KIAA0319: variants seen among roughly 807,000 people sequenced by gnomAD.
The protein encoded by KIAA0319 is KIAA0319, also known as dyslexia-associated protein KIAA0319.
In KIAA0319, 83 loss-of-function variants were observed where a neutral mutation model predicts 108.4. The ratio of observed to expected loss-of-function variants is 0.77; its 90% CI spans 0.64 to 0.92. KIAA0319 has a LOEUF of 0.92. Among genes scored for constraint, KIAA0319 ranks in the 40% least tolerant of loss-of-function variants. KIAA0319 has a pLI of 0.00. For synonymous variants in KIAA0319, 484 were observed against 510.4 expected (o/e 0.95, Z 0.70); for missense variants, 1,195 against 1,322.4 (o/e 0.90, Z 1.49).
chr6:24,601,288 A>C, intron 1 of KIAA0319, 80 bp from the exon 2 acceptor site: 3 of 1,408,708 alleles, frequency 2.1e-6, no homozygotes, highest in Non-Finnish European at 2.8e-6. Context: ...TCTATCATTC[A>C]TTCATGTCAG....
chr6:24,555,098 T>C (rs757662924), intron 18 of KIAA0319, among the ~76,000 whole-genome samples: 8 of 152,218 alleles, frequency 5.3e-5, no homozygotes, highest in Non-Finnish European at 1.0e-4. Context: ...CAGAAACTAC[T>C]TGACCCTCAT....
chr6:24,587,270 C>T (rs1562002644), intron 4 of KIAA0319, among the ~76,000 whole-genome samples: 1 of 148,994 alleles, frequency 6.7e-6, no homozygotes, highest in Non-Finnish European at 1.5e-5. Flanking sequence ...ACACTATTTT[C>T]TTTTTTTTCC....
Position 24,556,700 on chromosome 6 carries a change from G to A in KIAA0319, c.2764C>T (p.His922Tyr). Residue 922 changes from histidine (H) to tyrosine (Y), a missense_variant, in exon 18 of 21, where the codon CAC becomes TAC. Transcript: ENST00000378214. ...GCLLKCSGHG[H>Y]CDPLTKRCIC... ...CAGCGCTTTGTGAGGGGGTCGCAGT[G>A]ACCATGGCCAGAACACTTCAGAAGG... 6.2e-7 allele frequency: 1 copy of A among 1,613,938 alleles called. No individual in the cohort carries two copies. Among genetic ancestry groups the A allele is most frequent in the Non-Finnish European group, 8.5e-7 (1 of 1,179,964 alleles).
intron 17 of KIAA0319, among the ~76,000 whole-genome samples, chr6:24,557,093 T>C (rs2817256): frequency 0.29 from 44,574 of 151,832 alleles, 7,835 homozygotes; most frequent in African/African-American, 0.5. Flanking sequence ...TAGTCCCAGC[T>C]ACTCAGGGGG....
At chr6:24,606,344 C>T (rs1335037392) in intron 1 of KIAA0319, among the ~76,000 whole-genome samples, 1 of 152,184 alleles carries the variant, frequency 6.6e-6, no homozygotes, top group Non-Finnish European at 1.5e-5. Flanking sequence ...TCTGAGAAGC[C>T]TCACCCCAGC....
intron 3 of KIAA0319, among the ~76,000 whole-genome samples, chr6:24,592,016 T>G (rs1306662610): frequency 6.6e-6 from 1 of 152,248 alleles, no homozygotes; most frequent in Admixed American, 6.5e-5. Flanking sequence ...TGTTGTCATC[T>G]GAAATACAAA....
intron 3 of KIAA0319, among the ~76,000 whole-genome samples, chr6:24,591,815 G>A (rs34111714): frequency 0.29 from 44,201 of 151,978 alleles, 8,361 homozygotes; most frequent in Non-Finnish European, 0.41. Context: ...CTTTTCATGT[G>A]CTTCTTGGCT....
intron 2 of KIAA0319, chr6:24,597,864 G>C (rs1769897412): frequency 7.0e-6 from 1 of 142,348 alleles, no homozygotes; most frequent in Admixed American, 8.0e-5. Context: ...GCTGTAGTGA[G>C]CCATGATGGC....
chr6:24,617,389 C>T lies in KIAA0319; in HGVS notation c.-105-16181G>A, dbSNP rs185639999. On this transcript the variant is annotated intron_variant, in intron 1 of 20. Coordinates refer to ENST00000378214, the MANE Select transcript of KIAA0319 (RefSeq NM_014809.4). ...GTGGAAAAAGTCTGGATTTCTGTAT[C>T]TAGTAAAACAGCAATGCGGCAAAAT... Among the ~76,000 whole-genome samples the T allele has an allele frequency of 2.6e-5, 4 of 151,950 alleles. No homozygotes were observed. In the East Asian group the frequency reaches 5.8e-4, roughly 22 times the overall value.
intron 3 of KIAA0319, 68 bp downstream of exon 3, chr6:24,595,805 C>G (rs1769445113): frequency 6.7e-7 from 1 of 1,502,386 alleles, no homozygotes; most frequent in Admixed American, 2.2e-5. Flanking sequence ...GCTCCTGAAA[C>G]TCAGCCCCTC....
chr6:24,621,623 A>G (rs1005620554), intron 1 of KIAA0319, among the ~76,000 whole-genome samples: 1 of 152,160 alleles, frequency 6.6e-6, no homozygotes, highest in South Asian at 2.1e-4. Context: ...TACTGGGGGG[A>G]AAAACTGTGA....
At chr6:24,605,684 G>C (rs1771294172) in intron 1 of KIAA0319, among the ~76,000 whole-genome samples, 1 of 152,052 alleles carries the variant, frequency 6.6e-6, no homozygotes, top group Non-Finnish European at 1.5e-5. Flanking sequence ...TGGATCAATT[G>C]TATACATGTA....
At chr6:24,597,120 A>G (rs915413422) in intron 2 of KIAA0319, among the ~76,000 whole-genome samples, 1 of 152,100 alleles carries the variant, frequency 6.6e-6, no homozygotes, top group Non-Finnish European at 1.5e-5. Context: ...TTATTTTTTC[A>G]TATAGTTTCA....
At chr6:24,590,967 A>G (rs1168992577) in intron 3 of KIAA0319, among the ~76,000 whole-genome samples, 1 of 152,146 alleles carries the variant, frequency 6.6e-6, no homozygotes, top group East Asian at 1.9e-4. Context: ...CTTCAAGTTA[A>G]CCTGGGCCTC....
intron 1 of KIAA0319, among the ~76,000 whole-genome samples, chr6:24,629,160 C>T (rs1037417475): frequency 6.6e-6 from 1 of 152,104 alleles, no homozygotes; most frequent in Non-Finnish European, 1.5e-5. Context: ...AAAATAACAA[C>T]TCGAGCCTTT....
chr6:24,629,458 T>C (rs1427145697), intron 1 of KIAA0319, among the ~76,000 whole-genome samples: 10 of 133,546 alleles, frequency 7.5e-5, no homozygotes, highest in African/African-American at 2.6e-4. Context: ...GAGCTTGCAA[T>C]GAGCCGAGAT....
At chr6:24,595,110 C>T (rs1277057561) in intron 3 of KIAA0319, among the ~76,000 whole-genome samples, 1 of 152,128 alleles carries the variant, frequency 6.6e-6, no homozygotes, top group East Asian at 1.9e-4. Context: ...TCATCCTATC[C>T]AATTGTTCAT....
intron 16 of KIAA0319, among the ~76,000 whole-genome samples, chr6:24,561,096 T>G (rs1207581907): frequency 6.6e-6 from 1 of 152,258 alleles, no homozygotes; most frequent in African/African-American, 2.4e-5. Context: ...TAAATCCCAC[T>G]TGGTTATGGT....
chr6:24,627,516 T>C (rs1254692927), intron 1 of KIAA0319, among the ~76,000 whole-genome samples: 1 of 152,162 alleles, frequency 6.6e-6, no homozygotes, highest in African/African-American at 2.4e-5. Context: ...TCCTTCCTTG[T>C]TTTCTTCTGA....
Sources: gnomAD v4.1 joint callset for allele counts (sites outside exome capture counted in the v4.1 genomes callset) on GRCh38, gnomAD v4.1.1 for gene constraint, MANE v1.5 for transcripts, NCBI Gene and HGNC (gene_info 2026-07-23, HGNC 2026-07-21) for gene names.